NDST4: variants seen among roughly 807,000 people sequenced by gnomAD.
The protein encoded by NDST4 is N-heparan sulfate sulfotransferase 4.
A neutral mutation model predicts 100.8 loss-of-function variants in NDST4; 63 were observed. The ratio of observed to expected loss-of-function variants is 0.62; its 90% CI spans 0.51 to 0.77. The LOEUF (loss-of-function observed/expected upper bound fraction) is 0.77, where lower values mean the gene tolerates loss of function less well. Ranked by LOEUF, NDST4 falls within the 30% of genes least tolerant of loss-of-function variation. The pLI is 0.00. For missense variants in NDST4, 943 were observed against 1,018.4 expected (o/e 0.93, Z 1.01); for synonymous variants, 377 against 361.8 (o/e 1.04, Z -0.48).
intron 2 of NDST4, among the ~76,000 whole-genome samples, chr4:115,075,719 G>A (rs1729164140): frequency 7.1e-6 from 1 of 140,254 alleles, no homozygotes; most frequent in South Asian, 2.3e-4. Context: ...AGGAGGTAGA[G>A]GTTTCAGTGA....
At chr4:114,923,546 T>G (rs72681418) in intron 6 of NDST4, among the ~76,000 whole-genome samples, 2,162 of 152,196 alleles carry the variant, frequency 0.014, 31 homozygotes, top group Non-Finnish European at 0.022. Context: ...ATTTCCAAAT[T>G]TAATTTTGTA....
At chr4:114,980,124 T>C (rs1006983386) in intron 2 of NDST4, among the ~76,000 whole-genome samples, 2 of 152,128 alleles carry the variant, frequency 1.3e-5, no homozygotes, top group Admixed American at 6.5e-5. Context: ...GAAGAAATAT[T>C]AGGGCAAAAA....
chr4:115,081,989 C>T (rs1167905495), intron 1 of NDST4, among the ~76,000 whole-genome samples: 4 of 151,116 alleles, frequency 2.6e-5, no homozygotes, highest in South Asian at 2.1e-4. Flanking sequence ...ATAAATCTTT[C>T]GTTAAAAATT....
intron 1 of NDST4, among the ~76,000 whole-genome samples, chr4:115,106,441 C>G (rs1369885447): frequency 1.3e-5 from 2 of 152,112 alleles, no homozygotes; most frequent in East Asian, 3.9e-4. Context: ...CCCCCTAACC[C>G]TCCAGGACCA....
chr4:114,973,420 A>G (rs1726559122), intron 3 of NDST4, among the ~76,000 whole-genome samples: 2 of 151,984 alleles, frequency 1.3e-5, no homozygotes, highest in Admixed American at 6.6e-5. Flanking sequence ...CCAGATTAGC[A>G]TGTTACAGAC....
intron 1 of NDST4, among the ~76,000 whole-genome samples, chr4:115,099,792 G>T (rs1267707440): frequency 1.3e-5 from 2 of 152,062 alleles, no homozygotes; most frequent in Non-Finnish European, 2.9e-5. Context: ...ATATTATCCA[G>T]CAATCATGAT....
At chr4:114,956,444 T>C (rs1007347839) in intron 4 of NDST4, among the ~76,000 whole-genome samples, 6 of 152,138 alleles carry the variant, frequency 3.9e-5, no homozygotes, top group Non-Finnish European at 8.8e-5. Flanking sequence ...ATAATTAAGA[T>C]AGAAAACAAG....
At chr4:114,949,238 G>T (rs1424531809) in intron 4 of NDST4, among the ~76,000 whole-genome samples, 1 of 151,610 alleles carries the variant, frequency 6.6e-6, no homozygotes, top group Non-Finnish European at 1.5e-5. Context: ...TAAATTTTAG[G>T]ATATTATTCT....
intron 3 of NDST4, among the ~76,000 whole-genome samples, chr4:114,975,831 T>C (rs1726621106): frequency 6.6e-6 from 1 of 152,106 alleles, no homozygotes; most frequent in Admixed American, 6.6e-5. Flanking sequence ...AACTTCATAG[T>C]CAGAGCTTCT....
chr4:115,096,882 T>C (rs1305066609), intron 1 of NDST4, among the ~76,000 whole-genome samples: 1 of 152,158 alleles, frequency 6.6e-6, no homozygotes, highest in Non-Finnish European at 1.5e-5. Flanking sequence ...AAATTTATTT[T>C]ATAAATGTCA....
intron 8 of NDST4, among the ~76,000 whole-genome samples, chr4:114,851,423 T>C (rs1192332353): frequency 6.6e-6 from 1 of 152,228 alleles, no homozygotes; most frequent in East Asian, 1.9e-4. Flanking sequence ...ACCAGCTAAA[T>C]GCTTTATCAT....
At chr4:115,063,483 T>C (rs1238269371) in intron 2 of NDST4, among the ~76,000 whole-genome samples, 2 of 151,996 alleles carry the variant, frequency 1.3e-5, no homozygotes, top group African/African-American at 4.8e-5. Flanking sequence ...CAGGGCACCA[T>C]GTGTATTTCT....
At chr4:115,079,045 A>G (rs1729248634) in intron 1 of NDST4, among the ~76,000 whole-genome samples, 1 of 152,040 alleles carries the variant, frequency 6.6e-6, no homozygotes, top group South Asian at 2.1e-4. Flanking sequence ...ATTAAAAAAA[A>G]AATTTCCCAT....
intron 1 of NDST4, among the ~76,000 whole-genome samples, chr4:115,097,927 G>T (rs1260644385): frequency 6.6e-6 from 1 of 152,150 alleles, no homozygotes; most frequent in Non-Finnish European, 1.5e-5. Context: ...TTGTGAACCA[G>T]ATATAAACAT....
intron 11 of NDST4, among the ~76,000 whole-genome samples, chr4:114,838,824 T>C (rs1287109944): frequency 7.5e-6 from 1 of 133,338 alleles, no homozygotes; most frequent in Non-Finnish European, 1.5e-5. Context: ...TTTTTGAAGA[T>C]CAATACAAAA....
chr4:114,839,267 C>T (rs1379512204), intron 11 of NDST4, 111 bp downstream of exon 11: 13 of 970,926 alleles, frequency 1.3e-5, no homozygotes, highest in Admixed American at 2.6e-5. Flanking sequence ...CTTGTCAGTG[C>T]AATACAATCA....
rs79731584 is a variant in NDST4 at position 115,106,851 on chromosome 4, C to T, written c.-247+6593G>A. On this transcript the variant is annotated intron_variant, in intron 1 of 13. Transcript: ENST00000264363. ...AGATATGGAGCCAGCTCCTCTGCTA[C>T]GTAAGATTTAGTAATAGCACTGAGA... 3.5e-3 allele frequency among the ~76,000 whole-genome samples: 531 copies of T among 152,126 alleles called. 2 individuals are homozygous for T. The highest frequency in any genetic ancestry group is 0.012 in the African/African-American group (502 of 41,508).
intron 3 of NDST4, among the ~76,000 whole-genome samples, chr4:114,976,240 G>A (rs1726631213): frequency 6.6e-6 from 1 of 152,034 alleles, no homozygotes; most frequent in African/African-American, 2.4e-5. Context: ...CATGGATACA[G>A]AATAAATACT....
intron 12 of NDST4, among the ~76,000 whole-genome samples, chr4:114,831,713 AT>A (rs544883755): frequency 5.3e-5 from 8 of 152,064 alleles, no homozygotes; most frequent in Non-Finnish European, 1.0e-4. Flanking sequence ...ACCGAAAGTC[AT>A]TTTTTTTAGA....
Sources: allele counts gnomAD v4.1 joint callset (sites outside exome capture counted in the v4.1 genomes callset), GRCh38; gene constraint gnomAD v4.1.1; transcripts MANE v1.5; gene names NCBI Gene and HGNC (gene_info 2026-07-23, HGNC 2026-07-21).